Variants in TBC1D8 observed in about 807,000 individuals in gnomAD.
TBC1D8 encodes BUB2-like protein 1.
A neutral mutation model predicts 118.8 loss-of-function variants in TBC1D8; 65 were observed. That is an observed-to-expected ratio of 0.55 (90% confidence interval 0.45 to 0.67). The LOEUF is 0.67. Ranked by LOEUF, TBC1D8 falls within the 30% of genes least tolerant of loss-of-function variation. The probability of loss-of-function intolerance (pLI) is 0.00; values close to 1 mark genes in which losing one functional copy is unlikely to be tolerated. For synonymous variants in TBC1D8, 566 were observed against 595.8 expected, an observed-to-expected ratio of 0.95 and a Z score of 0.73; for missense variants, 1,376 against 1,471.2, an observed-to-expected ratio of 0.94 and a Z score of 1.06.
Position 101,022,464 on chromosome 2 carries a change from C to A in TBC1D8, c.2578G>T (p.Asp860Tyr). ...TGCTCAGCATAGGGCCGGCTGGGGTCGTGGCGTGAGGCCATGGGCCTGGGC... is the reference window on the plus strand; with the variant it reads ...TGCTCAGCATAGGGCCGGCTGGGGTAGTGGCGTGAGGCCATGGGCCTGGGC... ...EQPRPMASRH[D>Y]PSRPYAEQYR... Residue 860 changes from aspartate to tyrosine, a missense_variant, in exon 16 of 20, where the codon GAC becomes TAC. Coordinates refer to ENST00000409318, the MANE Select transcript of TBC1D8 (RefSeq NM_001330348.2). 2 of 1,608,972 alleles carry A rather than the reference C, an allele frequency of 1.2e-6. No homozygotes were observed. The highest frequency in any genetic ancestry group is 1.7e-6 in the Non-Finnish European group (2 of 1,178,462).
chr2:101,083,024 G>A (rs1483967531), intron 2 of TBC1D8, among the ~76,000 whole-genome samples: 1 of 152,156 alleles, frequency 6.6e-6, no homozygotes. Flanking sequence ...GCACGTTGGT[G>A]GTGAGCAGGT....
chr2:101,073,306 T>TTTA (rs1674591888), intron 2 of TBC1D8, among the ~76,000 whole-genome samples: 2 of 150,816 alleles, frequency 1.3e-5, no homozygotes, highest in African/African-American at 2.4e-5. Flanking sequence ...ATTTATTTTT[T>TTTA]TTTTTGGAGA....
Position 101,104,742 on chromosome 2 carries a change from G to A in TBC1D8, c.128-14378C>T, listed in dbSNP as rs72989254. Reference sequence around the variant, plus strand: ...AAAACTTCTACAACATAGGTCAGGCGCGGTGGCTCATGCCTGTAATCCCAG... The same window carrying A: ...AAAACTTCTACAACATAGGTCAGGCACGGTGGCTCATGCCTGTAATCCCAG... On this transcript the variant is annotated intron_variant, in intron 1 of 19. Transcript: ENST00000409318. 9.6e-3 allele frequency among the ~76,000 whole-genome samples: 1,456 copies of A among 152,262 alleles called. 38 individuals carry two copies. The highest frequency in any genetic ancestry group is 0.032 in the African/African-American group (1,346 of 41,536).
intron 1 of TBC1D8, 68 bp from the exon 2 acceptor site, chr2:101,090,432 G>A: frequency 4.5e-6 from 7 of 1,553,108 alleles, no homozygotes; most frequent in Non-Finnish European, 6.2e-6. Context: ...TGCGTGTGAG[G>A]CATGTGGTCG....
chr2:101,085,420 C>A lies in TBC1D8; in HGVS notation c.283+4789G>T, dbSNP rs144178483. ...AAAAAAATACTCATATCAAAAGCTC[C>A]AAATCTGCAAGAAATGTGAAAAAGA... On this transcript the variant is annotated intron_variant, in intron 2 of 19. Transcript: ENST00000409318. Among the ~76,000 whole-genome samples the A allele has an allele frequency of 2.8e-3, 432 of 152,228 alleles. 2 individuals are homozygous for A. The highest frequency in any genetic ancestry group is 9.7e-3 in the African/African-American group (403 of 41,530).
At chr2:101,060,140 G>T (rs1558664209) in intron 2 of TBC1D8, among the ~76,000 whole-genome samples, 1 of 152,150 alleles carries the variant, frequency 6.6e-6, no homozygotes, top group Non-Finnish European at 1.5e-5. Context: ...CCCTACTAAC[G>T]CAAAGAACTC....
At chr2:101,009,822 T>A (rs7355291) in intron 19 of TBC1D8, among the ~76,000 whole-genome samples, 49,609 of 106,970 alleles carry the variant, frequency 0.46, 9,016 homozygotes, top group Middle Eastern at 0.6. Flanking sequence ...AAAAAGGAGC[T>A]TTTTCTTTTT....
At chr2:101,135,108 C>T (rs1678790025) in intron 1 of TBC1D8, among the ~76,000 whole-genome samples, 1 of 152,198 alleles carries the variant, frequency 6.6e-6, no homozygotes, top group Admixed American at 6.5e-5. Context: ...GGAGGCAGAG[C>T]TTGCAGTGAG....
rs1678885876 is a variant in TBC1D8, at chr2:101,008,180, T to C, written c.3109A>G (p.Thr1037Ala). 1.9e-6 allele frequency: 3 copies of C among 1,613,556 alleles called. No homozygotes were observed. Among genetic ancestry groups the C allele is most frequent in the Non-Finnish European group, 2.5e-6 (3 of 1,179,678 alleles). ...DLYQAIATVT[T>A]LLLQIGEVGQ... Reference sequence around the variant, plus strand: ...ACCTCCCCGATCTGCAGCAGCAGTGTGGTGACTGTGGCGATGGCTTGATAC... The same window carrying C: ...ACCTCCCCGATCTGCAGCAGCAGTGCGGTGACTGTGGCGATGGCTTGATAC... The change falls in exon 20 of 20, where the codon ACA becomes GCA. Residue 1037 changes from threonine (T) to alanine (A), a missense_variant. Thr to Ala is a moderately conservative substitution (Grantham distance 58). Coordinates refer to ENST00000409318, the MANE Select transcript of TBC1D8 (RefSeq NM_001330348.2).
At chr2:101,032,457 G>T in intron 10 of TBC1D8, 72 bp from the exon 11 acceptor site, 1 of 1,330,062 alleles carries the variant, frequency 7.5e-7, no homozygotes, top group Non-Finnish European at 1.1e-6. Flanking sequence ...AAGCATCCAA[G>T]CCCAAACAAC....
chr2:101,061,666 C>T (rs1227435967), intron 2 of TBC1D8, among the ~76,000 whole-genome samples: 3 of 152,052 alleles, frequency 2.0e-5, no homozygotes, highest in Non-Finnish European at 2.9e-5. Context: ...TGCTGCCCCT[C>T]GGTCCCACCT....
At position 101,090,263 on chromosome 2, in the gene TBC1D8, T is replaced by C. The variant is rs1437199452; in HGVS notation, c.229A>G (p.Ile77Val). ...CCATTCAGTAACTCACCACATGCTA[T>C]GGGAGAATAAACCTGGGAGCCGGGA... The part of the protein sequence containing the change: ...QVPGSQVYSP[I>V]ACGELLNGSD... Residue 77 changes from isoleucine to valine, a missense_variant, in exon 2 of 20, where the codon ATA (isoleucine) becomes GTA (valine). Physicochemically the swap from Ile to Val is conservative, Grantham distance 29 (BLOSUM62 3). Coordinates refer to ENST00000409318, the MANE Select transcript of TBC1D8 (RefSeq NM_001330348.2). 3 of 1,613,850 alleles carry C rather than the reference T, an allele frequency of 1.9e-6. No homozygotes were observed. Among genetic ancestry groups the C allele is most frequent in the South Asian group, 2.2e-5 (2 of 91,084 alleles).
intron 1 of TBC1D8, among the ~76,000 whole-genome samples, chr2:101,149,537 C>A (rs934683953): frequency 2.0e-5 from 3 of 152,196 alleles, no homozygotes; most frequent in African/African-American, 7.2e-5. Flanking sequence ...TGAGCGTTTA[C>A]GGGACAAACT....
intron 1 of TBC1D8, among the ~76,000 whole-genome samples, chr2:101,107,474 C>T (rs1677297588): frequency 6.6e-6 from 1 of 151,896 alleles, no homozygotes; most frequent in Non-Finnish European, 1.5e-5. Context: ...AGATATATAT[C>T]CTAGAGGTTC....
chr2:101,026,175 C>T (rs184767428), intron 15 of TBC1D8, among the ~76,000 whole-genome samples: 1 of 152,240 alleles, frequency 6.6e-6, no homozygotes, highest in East Asian at 1.9e-4. Context: ...TTCTCTCAAC[C>T]TGAGAACAAT....
intron 19 of TBC1D8, 25 bp from the exon 20 acceptor site, chr2:101,008,298 A>G: frequency 1.3e-6 from 2 of 1,490,302 alleles, no homozygotes; most frequent in East Asian, 2.3e-5. Flanking sequence ...AGTCTTAGGT[A>G]GCAGCAGAAC....
intron 10 of TBC1D8, 116 bp from the exon 11 acceptor site, chr2:101,032,501 C>G (rs752361986): frequency 2.6e-6 from 2 of 763,102 alleles, no homozygotes; most frequent in African/African-American, 3.4e-5. Flanking sequence ...GTGAGAGATC[C>G]AGCATACACC....
rs748858492 is a variant in TBC1D8 at position 101,022,464 on chromosome 2, C to T, written c.2578G>A (p.Asp860Asn). 8.7e-6 allele frequency: 14 copies of T among 1,608,860 alleles called. No individual in the cohort carries two copies. The highest frequency in any genetic ancestry group is 2.2e-5 in the East Asian group (1 of 44,862). ...EQPRPMASRH[D>N]PSRPYAEQYR... The stretch of plus-strand genomic sequence containing the variant: ...TGCTCAGCATAGGGCCGGCTGGGGT[C>T]GTGGCGTGAGGCCATGGGCCTGGGC... The change falls in exon 16 of 20, where the codon GAC becomes AAC. Residue 860 changes from aspartate (D) to asparagine (N), a missense_variant. Physicochemically the swap from Asp to Asn is conservative, Grantham distance 23 (BLOSUM62 1). Transcript: ENST00000409318.
chr2:101,054,638 G>A (rs908843623), intron 3 of TBC1D8, among the ~76,000 whole-genome samples: 6 of 121,444 alleles, frequency 4.9e-5, no homozygotes, highest in African/African-American at 1.8e-4. Flanking sequence ...TTCTAAGCCC[G>A]GTTCTCAAAC....
Sources: gnomAD v4.1 joint callset for allele counts (sites outside exome capture counted in the v4.1 genomes callset) on GRCh38, gnomAD v4.1.1 for gene constraint, MANE v1.5 for transcripts, NCBI Gene and HGNC (gene_info 2026-07-23, HGNC 2026-07-21) for gene names.